The following ORC2 variants were observed in gnomAD, a reference collection of about 807,000 sequenced individuals.
The protein encoded by ORC2 is origin recognition complex subunit 2.
ORC2 carries 37 observed loss-of-function variants against 77.7 expected under a neutral mutation model. The ratio of observed to expected loss-of-function variants is 0.48; its 90% CI spans 0.37 to 0.63. The LOEUF (loss-of-function observed/expected upper bound fraction) is 0.63. Among genes scored for constraint, ORC2 ranks in the 20% least tolerant of loss-of-function variants. The probability of loss-of-function intolerance (pLI) is 0.00; values close to 1 mark genes in which losing one functional copy is unlikely to be tolerated. For missense variants in ORC2, 557 were observed against 661.9 expected, an observed-to-expected ratio of 0.84 and a Z score of 1.74; for synonymous variants, 201 against 229.5, an observed-to-expected ratio of 0.88 and a Z score of 1.12.
intron 3 of ORC2, 92 bp downstream of exon 3, chr2:200,957,938 A>G: frequency 1.2e-6 from 1 of 817,844 alleles, no homozygotes; most frequent in South Asian, 1.7e-5. Flanking sequence ...TTTGCGCTAT[A>G]TTTTCAAAAG....
At chr2:200,961,900 G>C (rs2041581524) in intron 1 of ORC2, among the ~76,000 whole-genome samples, 1 of 152,156 alleles carries the variant, frequency 6.6e-6, no homozygotes, top group African/African-American at 2.4e-5. Context: ...AAGTTTAGTT[G>C]TTCTTGGGGA....
chr2:200,947,894 C>A (rs1421842253), intron 5 of ORC2, among the ~76,000 whole-genome samples: 2 of 151,988 alleles, frequency 1.3e-5, no homozygotes, highest in Non-Finnish European at 2.9e-5. Context: ...TACCACCATG[C>A]CTGGCTAATT....
chr2:200,913,822 AC>A, intron 16 of ORC2, 108 bp downstream of exon 16: 1 of 1,449,938 alleles, frequency 6.9e-7, no homozygotes, highest in Non-Finnish European at 9.1e-7. Flanking sequence ...ATGAGTGACC[AC>A]TTACTCACTG....
chr2:200,934,836 G>GTA (rs2041007314), intron 9 of ORC2, among the ~76,000 whole-genome samples: 1 of 152,128 alleles, frequency 6.6e-6, no homozygotes, highest in African/African-American at 2.4e-5. Flanking sequence ...GGTAAGGAAG[G>GTA]GACAGAAAGC....
At chr2:200,933,075 T>C (rs760593439) in intron 10 of ORC2, among the ~76,000 whole-genome samples, 5 of 152,140 alleles carry the variant, frequency 3.3e-5, no homozygotes, top group Non-Finnish European at 5.9e-5. Flanking sequence ...CCTTCTCCCA[T>C]ATTGCTTATA....
chr2:200,920,353 C>G lies in ORC2; in HGVS notation c.1335G>C (p.Trp445Cys). The change falls in exon 15 of 18, where the codon TGG (tryptophan) becomes TGC (cysteine). Residue 445 changes from tryptophan to cysteine, a missense_variant. Trp to Cys is a radical substitution (Grantham distance 215). Transcript: ENST00000234296. ...HAKQSLFNWL[W>C]YETTTYSPYT... ...AAGGACTGTATGTAGTAGTTTCATA[C>G]CAGAGCCAGTTAAAAAGACTCTGCT... 6.2e-7 allele frequency: 1 copy of G among 1,608,732 alleles called. No homozygotes were observed. The highest frequency in any genetic ancestry group is 8.5e-7 in the Non-Finnish European group (1 of 1,176,696).
At chr2:200,937,401 G>C (rs1339275325) in intron 8 of ORC2, among the ~76,000 whole-genome samples, 4 of 152,154 alleles carry the variant, frequency 2.6e-5, no homozygotes, top group Non-Finnish European at 4.4e-5. Context: ...GGGCTATGAA[G>C]TATGAAGCCC....
chr2:200,941,374 G>T, intron 6 of ORC2, 95 bp from the exon 7 acceptor site: 1 of 1,127,248 alleles, frequency 8.9e-7, no homozygotes, highest in Non-Finnish European at 1.3e-6. Flanking sequence ...CAGGCATGGT[G>T]GCTCACATCT....
At chr2:200,919,032 T>C (rs910558460) in intron 15 of ORC2, among the ~76,000 whole-genome samples, 5 of 152,156 alleles carry the variant, frequency 3.3e-5, no homozygotes. Context: ...AGTCTCCCTA[T>C]GTTGCCCAGG....
chr2:200,913,483 C>A (rs1363598344), intron 16 of ORC2, 70 bp from the exon 17 acceptor site: 6 of 1,479,052 alleles, frequency 4.1e-6, no homozygotes, highest in African/African-American at 2.8e-5. Context: ...AACACCCATA[C>A]AAAAGAACAG....
chr2:200,918,909 C>T (rs1217620304), intron 15 of ORC2, among the ~76,000 whole-genome samples: 1 of 152,184 alleles, frequency 6.6e-6, no homozygotes, highest in Non-Finnish European at 1.5e-5. Context: ...CTTGCTCTAT[C>T]ACCCAGGCTG....
Position 200,925,878 on chromosome 2 carries a change from T to G in ORC2, c.1105A>C (p.Ile369Leu), listed in dbSNP as rs904477057. ...ACTATCCAGTCTAGCTGATCCAGTA[T>G]ACTGCGGAAAGTACCCATATGATCG... ...VLDHMGTFRS[I>L]LDQLDWIVNK... Residue 369 changes from isoleucine to leucine, a missense_variant, in exon 13 of 18, where the codon ATA becomes CTA. Transcript: ENST00000234296. The G allele has an allele frequency of 5.0e-6, 8 of 1,601,982 alleles. No homozygotes were observed. The East Asian group carries it at 1.1e-4, about 22-fold the overall frequency.
intron 4 of ORC2, among the ~76,000 whole-genome samples, chr2:200,955,168 G>A (rs1399661412): frequency 6.6e-6 from 1 of 152,168 alleles, no homozygotes; most frequent in African/African-American, 2.4e-5. Context: ...TTTTTTAAGA[G>A]ACAATTTTTA....
At chr2:200,912,144 T>C (rs1388858737) in intron 17 of ORC2, among the ~76,000 whole-genome samples, 1 of 152,214 alleles carries the variant, frequency 6.6e-6, no homozygotes, top group Non-Finnish European at 1.5e-5. Context: ...ATGTCACATT[T>C]CTGGCCTTAT....
chr2:200,920,229 TA>T lies in ORC2; in HGVS notation c.1458del (p.Asn487MetfsTer9), dbSNP rs1304041987. On this transcript the variant is annotated frameshift_variant, in exon 15 of 18. Coordinates refer to ENST00000234296, the MANE Select transcript of ORC2 (RefSeq NM_006190.5). LOFTEE classifies it high-confidence loss of function. ...TATGGTTTTCATCCTTACCTTGCAT[TA>T]GGGGTAAGGCTTCGTAAGACATGAG... ...SLTHVLRSLTPNARGIFRLLI... is the reference protein window; with the variant it reads ...SLTHVLRSLTXNARGIFRLLI... 1.2e-6 allele frequency: 2 copies of T among 1,607,536 alleles called. No individual in the cohort carries two copies. Among genetic ancestry groups the T allele is most frequent in the Non-Finnish European group, 1.7e-6 (2 of 1,177,172 alleles).
In ORC2 at chr2:200,910,647, T is replaced by G. The variant is rs1227401619; in HGVS notation, c.*654A>C. ...CGTATTGTTCCTGTGCTTTCTAGGC[T>G]GGGTAGATACCCTATATACTCTGTT... On this transcript the variant is annotated 3_prime_UTR_variant, in exon 18 of 18. Coordinates refer to ENST00000234296, the MANE Select transcript of ORC2 (RefSeq NM_006190.5). 1 of 152,216 alleles carries G rather than the reference T, an allele frequency of 6.6e-6. No individual in the cohort carries two copies. Among genetic ancestry groups the G allele is most frequent in the African/African-American group, 2.4e-5 (1 of 41,444 alleles). The allele number at this position is 152,216 out of a possible 1,614,324, so 9.4% of individuals were successfully genotyped here. A position where few individuals can be genotyped will look rare whatever the true frequency, so the allele number is the denominator to read the frequency against.
intron 4 of ORC2, among the ~76,000 whole-genome samples, chr2:200,955,793 A>AT (rs1213639724): frequency 6.6e-6 from 1 of 152,106 alleles, no homozygotes; most frequent in Non-Finnish European, 1.5e-5. Context: ...CTTTGTCATT[A>AT]TTTTTTTAAG....
intron 5 of ORC2, among the ~76,000 whole-genome samples, chr2:200,945,605 A>T (rs1387429460): frequency 1.3e-5 from 2 of 152,196 alleles, no homozygotes; most frequent in Non-Finnish European, 2.9e-5. Flanking sequence ...GCAAAAAAAA[A>T]TAGGGCATAA....
At chr2:200,915,440 A>G (rs1226069000) in intron 15 of ORC2, among the ~76,000 whole-genome samples, 1 of 152,176 alleles carries the variant, frequency 6.6e-6, no homozygotes, top group Non-Finnish European at 1.5e-5. Context: ...AGTTTAGATT[A>G]AAAATAACTC....
Sources: gnomAD v4.1 joint callset for allele counts (sites outside exome capture counted in the v4.1 genomes callset) on GRCh38, gnomAD v4.1.1 for gene constraint, MANE v1.5 for transcripts, NCBI Gene and HGNC (gene_info 2026-07-23, HGNC 2026-07-21) for gene names.